Variants in PCGF6 observed in about 807,000 individuals in gnomAD.
PCGF6 encodes polycomb group ring finger 6, also known as polycomb group RING finger protein 6.
Under a neutral mutation model 45.5 loss-of-function variants are expected in PCGF6, and 24 were observed. The ratio of observed to expected loss-of-function variants is 0.53; its 90% CI spans 0.38 to 0.74. The LOEUF (loss-of-function observed/expected upper bound fraction) is 0.74, where lower values mean the gene tolerates loss of function less well. Ranked by LOEUF, PCGF6 falls within the 30% of genes least tolerant of loss-of-function variation. PCGF6 has a pLI of 0.00. For synonymous variants in PCGF6, 152 were observed against 162.1 expected (o/e 0.94, Z 0.47); for missense variants, 356 against 443.2 (o/e 0.80, Z 1.77).
chr10:103,324,127 C>T (rs149348369), intron 8 of PCGF6, among the ~76,000 whole-genome samples: 1 of 151,372 alleles, frequency 6.6e-6, no homozygotes, highest in African/African-American at 2.4e-5. Flanking sequence ...TTAGTAGAGA[C>T]AGGGTTTCAC....
chr10:103,347,466 G>A lies in PCGF6; in HGVS notation c.558-16C>T, dbSNP rs368386622. 127 of 1,588,236 alleles carry A rather than the reference G, an allele frequency of 8.0e-5. No individual in the cohort carries two copies. The highest frequency in any genetic ancestry group is 1.1e-4 in the Non-Finnish European group (126 of 1,160,530). ...TCGGTCCAACCTAATAAAAGGAAAG[G>A]ATGGAGAATACCTCAGAATTCAGAA... On this transcript the variant is annotated splice_polypyrimidine_tract_variant and intron_variant, in intron 3 of 9. Coordinates refer to ENST00000369847, the MANE Select transcript of PCGF6 (RefSeq NM_001011663.2).
At chr10:103,314,954 T>TAAAAAAAAA (rs60182387) in intron 8 of PCGF6, among the ~76,000 whole-genome samples, 1 of 57,184 alleles carries the variant, frequency 1.7e-5, no homozygotes, top group African/African-American at 8.1e-5. Flanking sequence ...GACTCTGTCA[T>TAAAAAAAAA]AAAAAAAAAA....
chr10:103,325,222 T>C (rs2093213528), intron 8 of PCGF6, among the ~76,000 whole-genome samples: 1 of 152,074 alleles, frequency 6.6e-6, no homozygotes, highest in African/African-American at 2.4e-5. Context: ...ATTTCACTTC[T>C]CTAGGTGTCC....
At chr10:103,325,766 C>G (rs1017542980) in intron 8 of PCGF6, among the ~76,000 whole-genome samples, 1 of 151,498 alleles carries the variant, frequency 6.6e-6, no homozygotes, top group Non-Finnish European at 1.5e-5. Context: ...CTCCTATAAT[C>G]CTAGTGCTTT....
chr10:103,328,578 A>T (rs983092429), intron 7 of PCGF6, among the ~76,000 whole-genome samples: 2 of 152,214 alleles, frequency 1.3e-5, no homozygotes, highest in Admixed American at 1.3e-4. Context: ...TTTGTAAAAT[A>T]GATAAAAATA....
chr10:103,330,086 T>A (rs1365369147), intron 7 of PCGF6, among the ~76,000 whole-genome samples: 2 of 150,672 alleles, frequency 1.3e-5, no homozygotes, highest in Non-Finnish European at 3.0e-5. Flanking sequence ...GTTTGTTTGT[T>A]TTTTTTTTGA....
intron 6 of PCGF6, among the ~76,000 whole-genome samples, chr10:103,334,482 G>C (rs2093249868): frequency 6.6e-6 from 1 of 152,016 alleles, no homozygotes; most frequent in Middle Eastern, 3.2e-3. Flanking sequence ...TTAAATATTA[G>C]ATTCCCCCTC....
intron 7 of PCGF6, among the ~76,000 whole-genome samples, chr10:103,331,637 T>C (rs754712308): frequency 5.3e-5 from 8 of 152,336 alleles, no homozygotes; most frequent in Admixed American, 1.3e-4. Context: ...AATTTATATG[T>C]CCCTTAAGTT....
intron 6 of PCGF6, among the ~76,000 whole-genome samples, chr10:103,338,012 C>G (rs1177301814): frequency 2.2e-5 from 1 of 44,878 alleles, no homozygotes; most frequent in African/African-American, 7.8e-5. Context: ...TGCAGTGAGC[C>G]GAGATCCCGC....
rs182059624 is a variant in PCGF6, at chr10:103,347,819, T to C, written c.558-369A>G. ...ATTTTTCCCACCTCAGCCTCCTTAA[T>C]AGCTGGGACTAAAGGCGCGTGACAC... On this transcript the variant is annotated intron_variant, in intron 3 of 9. Coordinates refer to ENST00000369847, the MANE Select transcript of PCGF6 (RefSeq NM_001011663.2). 3.2e-4 allele frequency among the ~76,000 whole-genome samples: 49 copies of C among 152,242 alleles called. No homozygotes were observed. In the East Asian group the frequency reaches 9.3e-3, roughly 29 times the overall value.
chr10:103,338,339 C>T (rs2093265638), intron 6 of PCGF6, among the ~76,000 whole-genome samples: 1 of 151,712 alleles, frequency 6.6e-6, no homozygotes, highest in South Asian at 2.1e-4. Context: ...GTCAGGAGAT[C>T]GAGACCATCC....
At position 103,345,082 on chromosome 10, in the gene PCGF6, C is replaced by G. The variant is rs962689338; in HGVS notation, c.724G>C (p.Glu242Gln). The G allele has an allele frequency of 6.2e-7, 1 of 1,613,414 alleles. No homozygotes were observed. Among genetic ancestry groups the G allele is most frequent in the Admixed American group, 1.7e-5 (1 of 59,934 alleles). ...TCAGGTGGAATACGAAACACTGATT[C>G]TAGGACTTTTTTAGATCTTCCTTTG... ...SSKGRSKKVLESVFRIPPELD... is the reference protein window; with the variant it reads ...SSKGRSKKVLQSVFRIPPELD... Residue 242 changes from glutamate (E) to glutamine (Q), a missense_variant, in exon 6 of 10, where the codon GAA becomes CAA. Coordinates refer to ENST00000369847, the MANE Select transcript of PCGF6 (RefSeq NM_001011663.2).
intron 9 of PCGF6, among the ~76,000 whole-genome samples, chr10:103,305,343 T>A (rs977764602): frequency 6.6e-6 from 1 of 152,022 alleles, no homozygotes; most frequent in African/African-American, 2.4e-5. Context: ...CAATCTTGGC[T>A]CACTGCAACC....
intron 6 of PCGF6, among the ~76,000 whole-genome samples, chr10:103,339,960 G>A (rs1258337426): frequency 6.0e-5 from 8 of 134,264 alleles, no homozygotes; most frequent in South Asian, 2.3e-4. Flanking sequence ...TCAAGAGTTC[G>A]AGACCAGCCT....
intron 9 of PCGF6, among the ~76,000 whole-genome samples, chr10:103,307,517 C>T (rs118129511): frequency 0.014 from 2,115 of 152,298 alleles, 23 homozygotes; most frequent in South Asian, 0.05. Flanking sequence ...CTTGCTCTGT[C>T]GCACAGGCTG....
At chr10:103,345,730 A>C (rs2093296554) in intron 5 of PCGF6, among the ~76,000 whole-genome samples, 1 of 152,016 alleles carries the variant, frequency 6.6e-6, no homozygotes, top group South Asian at 2.1e-4. Context: ...TGGGAGGCTG[A>C]GACAGGAGGA....
At chr10:103,333,986 A>G in intron 6 of PCGF6, 34 bp from the exon 7 acceptor site, 1 of 1,415,600 alleles carries the variant, frequency 7.1e-7, no homozygotes, top group Non-Finnish European at 9.6e-7. Context: ...TCAATATTTA[A>G]TACTTTAAGC....
intron 8 of PCGF6, among the ~76,000 whole-genome samples, chr10:103,318,544 A>C (rs1592059502): frequency 6.6e-6 from 1 of 151,968 alleles, no homozygotes; most frequent in Admixed American, 6.6e-5. Context: ...GCAGTTCAAG[A>C]CCAGCCTGGC....
At chr10:103,348,629 G>A in intron 3 of PCGF6, 87 bp downstream of exon 3, 3 of 1,030,028 alleles carry the variant, frequency 2.9e-6, no homozygotes, top group South Asian at 1.7e-5. Context: ...CATCCTGAGA[G>A]GTCAATAATT....
Sources: gnomAD v4.1 joint callset for allele counts (sites outside exome capture counted in the v4.1 genomes callset) on GRCh38, gnomAD v4.1.1 for gene constraint, MANE v1.5 for transcripts, NCBI Gene and HGNC (gene_info 2026-07-23, HGNC 2026-07-21) for gene names.